The following MFN1 variants were observed in gnomAD, a reference collection of about 807,000 sequenced individuals.
MFN1 encodes mitofusin-1.
In MFN1, 65 loss-of-function variants were observed where a neutral mutation model predicts 92.4. That is an observed-to-expected ratio of 0.70 (90% CI 0.58 to 0.86). The LOEUF (loss-of-function observed/expected upper bound fraction) is 0.86, where lower values mean the gene tolerates loss of function less well. Among genes scored for constraint, MFN1 ranks in the 40% least tolerant of loss-of-function variants. The pLI is 0.00. For synonymous variants in MFN1, 297 were observed against 300.9 expected (o/e 0.99, Z 0.13); for missense variants, 781 against 868.0 (o/e 0.90, Z 1.26).
Position 179,352,017 on chromosome 3 carries a change from A to G in MFN1, c.230A>G (p.Lys77Arg). ...GAGGTGCTATCTCGGAGACACATGA[A>G]GGTGGCATTTTTTGGCAGGTAATTA... ...IGEVLSRRHMKVAFFGRTSSG... is the reference protein window; with the variant it reads ...IGEVLSRRHMRVAFFGRTSSG... The change falls in exon 3 of 18, where the codon AAG becomes AGG. Residue 77 changes from lysine to arginine, a missense_variant. Transcript: ENST00000471841. The G allele has an allele frequency of 6.3e-7, 1 of 1,593,772 alleles. No individual in the cohort carries two copies. Among genetic ancestry groups the G allele is most frequent in the Non-Finnish European group, 8.6e-7 (1 of 1,166,108 alleles).
intron 3 of MFN1, among the ~76,000 whole-genome samples, chr3:179,358,152 T>TTTTG (rs1712417941): frequency 7.0e-6 from 1 of 143,202 alleles, no homozygotes; most frequent in African/African-American, 2.7e-5. Flanking sequence ...CTCATTTTGT[T>TTTTG]TTTTTTTTTT....
At chr3:179,359,399 C>T (rs1169373491) in intron 4 of MFN1, among the ~76,000 whole-genome samples, 5 of 148,046 alleles carry the variant, frequency 3.4e-5, no homozygotes, top group African/African-American at 7.5e-5. Flanking sequence ...GGATTATAGG[C>T]GTGAGCCACT....
At chr3:179,368,226 GACACA>G in intron 9 of MFN1, 123 bp downstream of exon 9, 2 of 541,634 alleles carry the variant, frequency 3.7e-6, no homozygotes, top group Non-Finnish European at 5.5e-6. Context: ...TTTAGTTACT[GACACA>G]GCCAGTAAAA....
chr3:179,365,090 G>A, intron 6 of MFN1, 28 bp from the exon 7 acceptor site: 3 of 1,236,400 alleles, frequency 2.4e-6, no homozygotes, highest in Non-Finnish European at 3.4e-6. Flanking sequence ...TATAGTGAAT[G>A]TACTGTGGGG....
At chr3:179,364,269 A>G (rs1278936162) in intron 5 of MFN1, 28 bp from the exon 6 acceptor site, 5 of 1,490,728 alleles carry the variant, frequency 3.4e-6, no homozygotes, top group Non-Finnish European at 4.5e-6. Context: ...TAAGAAATAT[A>G]ATACAATTTT....
At chr3:179,355,208 G>A (rs889580006) in intron 3 of MFN1, among the ~76,000 whole-genome samples, 2 of 152,096 alleles carry the variant, frequency 1.3e-5, no homozygotes, top group Non-Finnish European at 2.9e-5. Context: ...CAGTGAGGAC[G>A]ACCAGAGGTC....
chr3:179,352,187 G>T, intron 3 of MFN1, 152 bp downstream of exon 3: 1 of 691,874 alleles, frequency 1.4e-6, no homozygotes, highest in South Asian at 3.3e-5. Flanking sequence ...AAGAATTTGT[G>T]CATTTTACCT....
At chr3:179,362,910 CAGA>C (rs1560192632) in intron 5 of MFN1, among the ~76,000 whole-genome samples, 1 of 152,058 alleles carries the variant, frequency 6.6e-6, no homozygotes, top group East Asian at 1.9e-4. Flanking sequence ...TCCATAGAAA[CAGA>C]GGAGAGAGAA....
Position 179,378,826 on chromosome 3 carries a change from T to C in MFN1, c.1662+12T>C, listed in dbSNP as rs1414617315. 1 of 1,565,140 alleles carries C rather than the reference T, an allele frequency of 6.4e-7. No homozygotes were observed. The highest frequency in any genetic ancestry group is 2.2e-5 in the East Asian group (1 of 44,618). ...AGCCTATCTTTCAGGTATGTATCTT[T>C]GAATCTACCAATTAAGACTCTCCTT... On this transcript the variant is annotated intron_variant, in intron 14 of 17. Transcript: ENST00000471841.
In MFN1 at chr3:179,364,524, T is replaced by A. The variant is rs1712708357; in HGVS notation, c.645+119T>A. On this transcript the variant is annotated intron_variant, in intron 6 of 17. Transcript: ENST00000471841. Reference sequence around the variant, plus strand: ...TAGAAAAAACTTCTAAAAACAGGCATGAATGAAGGGGTTTGTGTTTTCATA... The same window carrying A: ...TAGAAAAAACTTCTAAAAACAGGCAAGAATGAAGGGGTTTGTGTTTTCATA... 3 of 730,018 alleles carry A rather than the reference T, an allele frequency of 4.1e-6. No individual in the cohort carries two copies. The South Asian group carries it at 5.3e-5, about 13-fold the overall frequency. The allele number at this position is 730,018 out of a possible 1,614,324, so 45.2% of individuals were successfully genotyped here.
rs747467242 is a variant in MFN1 at position 179,377,436 on chromosome 3, A to G, written c.1317A>G (p.Lys439=). ...TTCATCCTAATCCAGATGTATTAAA[A>G]ATATATAAAAGTGTAAGTTAAAGTA... The part of the protein sequence containing the change: ...SEFHPNPDVL[K]IYKSELNKHI... The change falls in exon 12 of 18, where the codon AAA becomes AAG. Residue 439 remains lysine (K), a synonymous_variant. Coordinates refer to ENST00000471841, the MANE Select transcript of MFN1 (RefSeq NM_033540.3). 2.5e-6 allele frequency: 4 copies of G among 1,572,866 alleles called. No individual in the cohort carries two copies. Among genetic ancestry groups the G allele is most frequent in the Non-Finnish European group, 3.5e-6 (4 of 1,148,450 alleles).
intron 16 of MFN1, among the ~76,000 whole-genome samples, chr3:179,389,494 G>T (rs1226304681): frequency 6.6e-6 from 1 of 152,056 alleles, no homozygotes; most frequent in Non-Finnish European, 1.5e-5. Context: ...TTAAAAGAAT[G>T]ACACATGCTT....
chr3:179,352,175 G>A, intron 3 of MFN1, 140 bp downstream of exon 3: 1 of 817,578 alleles, frequency 1.2e-6, no homozygotes, highest in Non-Finnish European at 1.8e-6. Context: ...GTTAGCATGT[G>A]AAAGAATTTG....
rs568945166 is a variant in MFN1, at chr3:179,370,436, C to A, written c.975+2333C>A. Reference sequence around the variant, plus strand: ...TTTTTGAGACAGAGTCTCGCTCTGTCGCCGCCAGGCTGGAATGAGGGAGTG... The same window carrying A: ...TTTTTGAGACAGAGTCTCGCTCTGTAGCCGCCAGGCTGGAATGAGGGAGTG... On this transcript the variant is annotated intron_variant, in intron 9 of 17. Coordinates refer to ENST00000471841, the MANE Select transcript of MFN1 (RefSeq NM_033540.3). Among the ~76,000 whole-genome samples the A allele has an allele frequency of 4.6e-4, 56 of 121,976 alleles. 1 individual carries two copies. The highest frequency in any genetic ancestry group is 4.8e-5 in the Non-Finnish European group (3 of 63,052). 80.0% of individuals were successfully genotyped at this position (121,976 alleles called of 152,430 possible).
At chr3:179,377,900 A>C (rs1713306079) in intron 12 of MFN1, among the ~76,000 whole-genome samples, 1 of 151,998 alleles carries the variant, frequency 6.6e-6, no homozygotes, top group African/African-American at 2.4e-5. Context: ...CTGTCTACTA[A>C]AAATACAAAA....
At position 179,374,317 on chromosome 3, in the gene MFN1, TATATAACATATATATGTAATATATATATA is replaced by T. The variant is rs1560196590; in HGVS notation, c.976-901_976-873del. Among the ~76,000 whole-genome samples the T allele has an allele frequency of 8.3e-4, 50 of 60,358 alleles. No individual in the cohort carries two copies. In the South Asian group the frequency reaches 0.015, roughly 18 times the overall value. 39.6% of individuals were successfully genotyped at this position (60,358 alleles called of 152,430 possible). On this transcript the variant is annotated intron_variant, in intron 9 of 17. Transcript: ENST00000471841. ...GACTGTCAAAAATATATATATAACATATATAACATATATATGTAATATATATATAACATATATAACATATATATGTAATA... is the reference window on the plus strand; with the variant it reads ...GACTGTCAAAAATATATATATAACATACATATATAACATATATATGTAATA...
Position 179,392,111 on chromosome 3 carries a change from T to C in MFN1, c.*52T>C, listed in dbSNP as rs1432537602. Reference sequence around the variant, plus strand: ...ATAGGAGGAAACGAAACTTGTAAGATTGGAACAGTTGTTATTTTTATGAAA... The same window carrying C: ...ATAGGAGGAAACGAAACTTGTAAGACTGGAACAGTTGTTATTTTTATGAAA... On this transcript the variant is annotated 3_prime_UTR_variant, in exon 18 of 18. Transcript: ENST00000471841. 2 of 1,122,118 alleles carry C rather than the reference T, an allele frequency of 1.8e-6. No homozygotes were observed. The highest frequency in any genetic ancestry group is 1.3e-5 in the South Asian group (1 of 75,814). 69.5% of individuals were successfully genotyped at this position (1,122,118 alleles called of 1,614,324 possible). A position where few individuals can be genotyped will look rare whatever the true frequency, so the allele number is the denominator to read the frequency against.
rs144453218 is a variant in MFN1 at position 179,353,409 on chromosome 3, T to C, written c.248+1374T>C. Among the ~76,000 whole-genome samples, 230 of 151,618 alleles carry C rather than the reference T, an allele frequency of 1.5e-3. 2 individuals carry two copies. Among genetic ancestry groups the C allele is most frequent in the African/African-American group, 5.3e-3 (219 of 41,288 alleles). ...TTTTATTAGAGATAGGGTTTCACCA[T>C]GTTGGCCAGGCTGGTCTCAAACTCC... On this transcript the variant is annotated intron_variant, in intron 3 of 17. Coordinates refer to ENST00000471841, the MANE Select transcript of MFN1 (RefSeq NM_033540.3).
chr3:179,385,219 CTTT>C (rs11302834), intron 14 of MFN1, among the ~76,000 whole-genome samples: 5 of 145,130 alleles, frequency 3.4e-5, no homozygotes, highest in Admixed American at 6.8e-5. Context: ...GGCCGAAGTC[CTTT>C]TTTTTTTTTT....
Sources: gnomAD v4.1 joint callset for allele counts (sites outside exome capture counted in the v4.1 genomes callset) on GRCh38, gnomAD v4.1.1 for gene constraint, MANE v1.5 for transcripts, NCBI Gene and HGNC (gene_info 2026-07-23, HGNC 2026-07-21) for gene names.